The following C2orf72 variants were observed in gnomAD, a reference collection of about 807,000 sequenced individuals.
The protein encoded by C2orf72 is uncharacterized protein C2orf72.
Under a neutral mutation model 14.4 loss-of-function variants are expected in C2orf72, and 16 were observed. That is an observed-to-expected ratio of 1.11 (90% CI 0.75 to 1.69). C2orf72 has a LOEUF of 1.69. Among genes scored for constraint, C2orf72 ranks in the 40% most tolerant of loss-of-function variants. The pLI, the probability that C2orf72 is intolerant of heterozygous loss-of-function variation, is 0.00. For synonymous variants in C2orf72, 168 were observed against 176.8 expected, an observed-to-expected ratio of 0.95 and a Z score of 0.40; for missense variants, 371 against 358.3, an observed-to-expected ratio of 1.04 and a Z score of -0.29.
chr2:231,042,701 G>A (rs907431966), intron 2 of C2orf72, among the ~76,000 whole-genome samples: 2 of 152,222 alleles, frequency 1.3e-5, no homozygotes, highest in African/African-American at 2.4e-5. Context: ...CTTCATTGCT[G>A]CATAAGAAAT....
intron 1 of C2orf72, 191 bp from the exon 2 acceptor site, chr2:231,041,101 AAAGT>A (rs1221765358): frequency 1.9e-6 from 1 of 525,938 alleles, no homozygotes; most frequent in Non-Finnish European, 3.4e-6. Context: ...AACATAGATA[AAAGT>A]AAAGCAATCA....
At chr2:231,045,510 C>CTTTTTTTTTTTTTT in intron 2 of C2orf72, among the ~76,000 whole-genome samples, 1 of 87,408 alleles carries the variant, frequency 1.1e-5, no homozygotes, top group Non-Finnish European at 2.1e-5. Context: ...GTGTTTCAAT[C>CTTTTTTTTTTTTTT]TTTTTTTTTT....
intron 2 of C2orf72, among the ~76,000 whole-genome samples, chr2:231,045,356 A>G (rs909759320): frequency 2.0e-5 from 3 of 152,028 alleles, no homozygotes; most frequent in African/African-American, 7.2e-5. Flanking sequence ...TGTCTACTGT[A>G]TATAATTGTA....
At chr2:231,040,468 C>G (rs1232747470) in intron 1 of C2orf72, among the ~76,000 whole-genome samples, 1 of 152,196 alleles carries the variant, frequency 6.6e-6, no homozygotes, top group East Asian at 1.9e-4. Flanking sequence ...ACATACTGAA[C>G]AAAATTAAAC....
At chr2:231,041,486 C>T (rs1693339322) in intron 2 of C2orf72, 77 bp downstream of exon 2, 1 of 1,139,102 alleles carries the variant, frequency 8.8e-7, no homozygotes, top group Admixed American at 2.1e-5. Flanking sequence ...AACTTGGGGA[C>T]CTTAGGGACA....
chr2:231,045,954 A>G (rs956142281), intron 2 of C2orf72, among the ~76,000 whole-genome samples: 1 of 152,234 alleles, frequency 6.6e-6, no homozygotes, highest in East Asian at 1.9e-4. Context: ...ACTGCCTTCC[A>G]CAGCAATAAT....
rs1343687537 is a variant in C2orf72 at position 231,045,476 on chromosome 2, C to T, written c.749-1406C>T. 2.0e-5 allele frequency among the ~76,000 whole-genome samples: 3 copies of T among 147,862 alleles called. No homozygotes were observed. In the East Asian group the frequency reaches 6.0e-4, roughly 29 times the overall value. ...CAACATCAGGACAACTACAAGGTTA[C>T]TAGGTGACAGGAATTTTTTAGCTGT... is the stretch of plus-strand genomic sequence containing the variant. On this transcript the variant is annotated intron_variant, in intron 2 of 2. Transcript: ENST00000373640.
Position 231,037,885 on chromosome 2 carries a change from T to C in C2orf72, c.320T>C (p.Val107Ala). The C allele has an allele frequency of 2.0e-6, 2 of 1,001,706 alleles. No homozygotes were observed. Among genetic ancestry groups the C allele is most frequent in the Non-Finnish European group, 2.4e-6 (2 of 845,176 alleles). The allele number at this position is 1,001,706 out of a possible 1,614,324, so 62.1% of individuals were successfully genotyped here. A position where few individuals can be genotyped will look rare whatever the true frequency, so the allele number is the denominator to read the frequency against. The change falls in exon 1 of 3, where the codon GTC becomes GCC. Residue 107 changes from valine to alanine, a missense_variant. By Grantham distance (64) the Val-to-Ala change is moderately conservative. Transcript: ENST00000373640. ...GCGCGCGCCATCCGCTCGCCGCTGG[T>C]CTTCGTGCTGTGCCGCGCGTCGTCG... is the stretch of plus-strand genomic sequence containing the variant. ...AAARAIRSPL[V>A]FVLCRASSLA...
chr2:231,045,172 G>C (rs1559210019), intron 2 of C2orf72, among the ~76,000 whole-genome samples: 1 of 151,792 alleles, frequency 6.6e-6, no homozygotes, highest in Admixed American at 6.6e-5. Context: ...GCTGAGGCAG[G>C]AGAACTGCTT....
chr2:231,043,005 A>T (rs918819127), intron 2 of C2orf72, among the ~76,000 whole-genome samples: 2 of 152,228 alleles, frequency 1.3e-5, no homozygotes, highest in Non-Finnish European at 2.9e-5. Flanking sequence ...ACTCCGTCTC[A>T]AAATAAATAA....
rs931402870 is a variant in C2orf72, at chr2:231,037,746, C to A, written c.181C>A (p.Pro61Thr). The A allele has an allele frequency of 1.0e-5, 10 of 1,001,916 alleles. No homozygotes were observed. In the South Asian group the frequency reaches 4.5e-4, roughly 45 times the overall value. The allele number at this position is 1,001,916 out of a possible 1,614,324, so 62.1% of individuals were successfully genotyped here. Residue 61 changes from proline to threonine, a missense_variant, in exon 1 of 3, where the codon CCA becomes ACA. Physicochemically the swap from Pro to Thr is conservative, Grantham distance 38 (BLOSUM62 -1). Transcript: ENST00000373640. Reference sequence around the variant, plus strand: ...CGCACGGGCGGTGTTCCCGCCGGAGCCAGGCGCGGCCAAGCCGGGCGGCGC... The same window carrying A: ...CGCACGGGCGGTGTTCCCGCCGGAGACAGGCGCGGCCAAGCCGGGCGGCGC... The part of the protein sequence containing the change: ...DFARAVFPPE[P>T]GAAKPGGAAA...
At chr2:231,038,774 G>A (rs1559208575) in intron 1 of C2orf72, among the ~76,000 whole-genome samples, 1 of 152,046 alleles carries the variant, frequency 6.6e-6, no homozygotes, top group East Asian at 1.9e-4. Context: ...TTGACGTGTG[G>A]GGAGGTGAGA....
Position 231,047,214 on chromosome 2 carries a change from C to T in C2orf72, c.*193C>T, listed in dbSNP as rs1168427747. On this transcript the variant is annotated 3_prime_UTR_variant, in exon 3 of 3. Coordinates refer to ENST00000373640, the MANE Select transcript of C2orf72 (RefSeq NM_001144994.2). ...CTAAAACAGTGTCTCCCCTGGGAAC[C>T]TACTCCCCACCCAGCATTTGCTAAG... 2 of 723,248 alleles carry T rather than the reference C, an allele frequency of 2.8e-6. No individual in the cohort carries two copies. Among genetic ancestry groups the T allele is most frequent in the African/African-American group, 1.7e-5 (1 of 57,608 alleles). 44.8% of individuals were successfully genotyped at this position (723,248 alleles called of 1,614,324 possible).
chr2:231,039,747 ATTT>A (rs5839388), intron 1 of C2orf72, among the ~76,000 whole-genome samples: 1 of 141,280 alleles, frequency 7.1e-6, no homozygotes, highest in African/African-American at 2.6e-5. Context: ...GAGTGCATGC[ATTT>A]TTTTTTTTTT....
intron 2 of C2orf72, among the ~76,000 whole-genome samples, chr2:231,041,669 A>G (rs1693341825): frequency 6.6e-6 from 1 of 152,054 alleles, no homozygotes; most frequent in South Asian, 2.1e-4. Flanking sequence ...AGGTGTCTCC[A>G]GGAGCATGGT....
intron 1 of C2orf72, among the ~76,000 whole-genome samples, chr2:231,040,165 C>T (rs7579546): frequency 0.19 from 28,864 of 151,982 alleles, 3,117 homozygotes; most frequent in African/African-American, 0.29. Flanking sequence ...CTCCGGGAAG[C>T]CTCCCTTGAC....
chr2:231,048,199 T>C lies in C2orf72; in HGVS notation c.*1178T>C, dbSNP rs927871327. The stretch of plus-strand genomic sequence containing the variant: ...AGGGAACTCACCATTACCTCCCTTG[T>C]CTTCTTTGCCTGCCTTGGAGAAATC... On this transcript the variant is annotated 3_prime_UTR_variant, in exon 3 of 3. Coordinates refer to ENST00000373640, the MANE Select transcript of C2orf72 (RefSeq NM_001144994.2). 1.3e-5 allele frequency: 2 copies of C among 152,356 alleles called. No individual in the cohort carries two copies. The highest frequency in any genetic ancestry group is 2.9e-5 in the Non-Finnish European group (2 of 68,042). 9.4% of individuals were successfully genotyped at this position (152,356 alleles called of 1,614,324 possible).
In C2orf72 at chr2:231,047,219, C is replaced by G. The variant is rs953564317; in HGVS notation, c.*198C>G. On this transcript the variant is annotated 3_prime_UTR_variant, in exon 3 of 3. Transcript: ENST00000373640. ...ACAGTGTCTCCCCTGGGAACCTACTCCCCACCCAGCATTTGCTAAGTCTGA... is the reference window on the plus strand; with the variant it reads ...ACAGTGTCTCCCCTGGGAACCTACTGCCCACCCAGCATTTGCTAAGTCTGA... 1.4e-6 allele frequency: 1 copy of G among 712,250 alleles called. No individual in the cohort carries two copies. Among genetic ancestry groups the G allele is most frequent in the Non-Finnish European group, 2.5e-6 (1 of 398,858 alleles). The allele number at this position is 712,250 out of a possible 1,614,324, so 44.1% of individuals were successfully genotyped here.
At chr2:231,041,192 A>C in intron 1 of C2orf72, 104 bp from the exon 2 acceptor site, 1 of 777,790 alleles carries the variant, frequency 1.3e-6, no homozygotes, top group South Asian at 2.0e-5. Context: ...AGTTGAAACT[A>C]GGGCAGTTGA....
Sources: gnomAD v4.1 joint callset for allele counts (sites outside exome capture counted in the v4.1 genomes callset) on GRCh38, gnomAD v4.1.1 for gene constraint, MANE v1.5 for transcripts, NCBI Gene and HGNC (gene_info 2026-07-23, HGNC 2026-07-21) for gene names.